CD38: variants seen among roughly 807,000 people sequenced by gnomAD.
CD38 encodes the protein CD38 molecule.
A neutral mutation model predicts 36.3 loss-of-function variants in CD38; 31 were observed. The observed-to-expected ratio is 0.85, with a 90% CI of 0.64 to 1.15. The LOEUF (loss-of-function observed/expected upper bound fraction) is 1.15. Ranked by LOEUF, CD38 falls within the 50% of genes most tolerant of loss-of-function variation. CD38 has a pLI of 0.00. For missense variants in CD38, 380 were observed against 371.9 expected (o/e 1.02, Z -0.18); for synonymous variants, 131 against 135.2 (o/e 0.97, Z 0.22).
intron 1 of CD38, among the ~76,000 whole-genome samples, chr4:15,789,145 C>T (rs892683528): frequency 6.6e-6 from 1 of 152,114 alleles, no homozygotes; most frequent in African/African-American, 2.4e-5. Context: ...CTTATTTCCA[C>T]GTTTTAGGTA....
At chr4:15,788,561 T>C (rs1431354789) in intron 1 of CD38, among the ~76,000 whole-genome samples, 1 of 152,026 alleles carries the variant, frequency 6.6e-6, no homozygotes, top group African/African-American at 2.4e-5. Context: ...TGGATGAATC[T>C]GATGGGAGGT....
At chr4:15,809,297 T>G (rs1723413928) in intron 1 of CD38, among the ~76,000 whole-genome samples, 1 of 152,244 alleles carries the variant, frequency 6.6e-6, no homozygotes. Context: ...GTTCTGGTTC[T>G]GCCTGAGTTT....
intron 2 of CD38, 42 bp downstream of exon 2, chr4:15,816,682 A>G: frequency 1.2e-6 from 2 of 1,608,014 alleles, no homozygotes; most frequent in Non-Finnish European, 1.7e-6. Flanking sequence ...TGGGGATAAA[A>G]GCCAATGGTA....
At chr4:15,834,140 C>A in intron 3 of CD38, 77 bp from the exon 4 acceptor site, 1 of 952,306 alleles carries the variant, frequency 1.1e-6, no homozygotes, top group Non-Finnish European at 1.7e-6. Flanking sequence ...TCCACTATGA[C>A]TGAACAGCCA....
intron 4 of CD38, among the ~76,000 whole-genome samples, chr4:15,835,161 A>T (rs1170709863): frequency 6.6e-6 from 1 of 151,998 alleles, no homozygotes. Flanking sequence ...ATCTTTTAAC[A>T]AATCTCTACC....
rs536880603 is a variant in CD38 at position 15,847,928 on chromosome 4, A to G, written c.840-611A>G. Among the ~76,000 whole-genome samples, 36 of 152,340 alleles carry G rather than the reference A, an allele frequency of 2.4e-4. 1 individual carries two copies. In the South Asian group the frequency reaches 3.5e-3, roughly 15 times the overall value. On this transcript the variant is annotated intron_variant, in intron 7 of 7. Transcript: ENST00000226279. Reference sequence around the variant, plus strand: ...TTTGGACTTGTACAGACAGTGGCCCATAATGGGAACCAGGTGACACATCAC... The same window carrying G: ...TTTGGACTTGTACAGACAGTGGCCCGTAATGGGAACCAGGTGACACATCAC...
intron 1 of CD38, among the ~76,000 whole-genome samples, chr4:15,810,535 G>A (rs1723445826): frequency 1.3e-5 from 2 of 152,152 alleles, no homozygotes; most frequent in African/African-American, 2.4e-5. Flanking sequence ...AAGGAAAATC[G>A]CTGCCAAATC....
rs7687873 is a variant in CD38, at chr4:15,800,681, T to C, written c.234-15830T>C. Among the ~76,000 whole-genome samples, 1,122 of 152,190 alleles carry C rather than the reference T, an allele frequency of 7.4e-3. 12 individuals carry two copies. Among genetic ancestry groups the C allele is most frequent in the African/African-American group, 0.026 (1,069 of 41,530 alleles). On this transcript the variant is annotated intron_variant, in intron 1 of 7. Coordinates refer to ENST00000226279, the MANE Select transcript of CD38 (RefSeq NM_001775.4). ...AAGCAACATACTCCAGAATGACCAATGGGTCAATGAAGAAATTAAGAAAAA... is the reference window on the plus strand; with the variant it reads ...AAGCAACATACTCCAGAATGACCAACGGGTCAATGAAGAAATTAAGAAAAA...
At chr4:15,826,530 GAA>G (rs1460604796) in intron 3 of CD38, among the ~76,000 whole-genome samples, 1 of 149,334 alleles carries the variant, frequency 6.7e-6, no homozygotes, top group Non-Finnish European at 1.5e-5. Flanking sequence ...TTTTATAAAT[GAA>G]ACTTCAATGT....
At chr4:15,814,678 C>T (rs1194457021) in intron 1 of CD38, among the ~76,000 whole-genome samples, 1 of 152,126 alleles carries the variant, frequency 6.6e-6, no homozygotes, top group East Asian at 1.9e-4. Context: ...GTTTTCCCAG[C>T]ACTATTAATT....
intron 1 of CD38, among the ~76,000 whole-genome samples, chr4:15,789,198 A>T (rs1316035918): frequency 6.6e-6 from 1 of 152,188 alleles, no homozygotes; most frequent in African/African-American, 2.4e-5. Context: ...TTGAGCTCCT[A>T]TGATGTCCCA....
rs1407451343 is a variant in CD38 at position 15,791,386 on chromosome 4, T to G, written c.233+12739T>G. 9.4e-5 allele frequency among the ~76,000 whole-genome samples: 2 copies of G among 21,232 alleles called. 1 individual carries two copies. The highest frequency in any genetic ancestry group is 3.2e-3 in the East Asian group (2 of 618). The allele number at this position is 21,232 out of a possible 152,430, so 13.9% of individuals were successfully genotyped here. ...GCCCCCCGCCCGGCCGGCCGCCCCGTCCGGGAGGTGAGGGGCGCCTCTGCC... is the reference window on the plus strand; with the variant it reads ...GCCCCCCGCCCGGCCGGCCGCCCCGGCCGGGAGGTGAGGGGCGCCTCTGCC... On this transcript the variant is annotated intron_variant, in intron 1 of 7. Coordinates refer to ENST00000226279, the MANE Select transcript of CD38 (RefSeq NM_001775.4).
At chr4:15,816,811 T>TTGCAGGCCATGAGGGGCC in intron 2 of CD38, 171 bp downstream of exon 2, 3 of 696,888 alleles carry the variant, frequency 4.3e-6, no homozygotes, top group Non-Finnish European at 7.6e-6. Context: ...ATGATATAAT[T>TTGCAGGCCATGAGGGGCC]AAGATTTAGG....
intron 1 of CD38, among the ~76,000 whole-genome samples, chr4:15,810,132 T>C (rs1258620091): frequency 2.0e-5 from 3 of 152,202 alleles, no homozygotes; most frequent in Non-Finnish European, 4.4e-5. Flanking sequence ...GTTCTATAGC[T>C]CTGCTCCGTC....
intron 1 of CD38, among the ~76,000 whole-genome samples, chr4:15,786,697 A>C (rs532333699): frequency 6.6e-6 from 1 of 152,380 alleles, no homozygotes; most frequent in African/African-American, 2.4e-5. Context: ...CCAAGTCAGC[A>C]GGCGGAGCTG....
In CD38 at chr4:15,795,520, T is replaced by G. The variant is rs546208015; in HGVS notation, c.233+16873T>G. On this transcript the variant is annotated intron_variant, in intron 1 of 7. Transcript: ENST00000226279. Reference sequence around the variant, plus strand: ...AGTAAAACATGCCCATTGAAGAATATTTGGATGAATACAAAAATATAGAAA... The same window carrying G: ...AGTAAAACATGCCCATTGAAGAATAGTTGGATGAATACAAAAATATAGAAA... Among the ~76,000 whole-genome samples the G allele has an allele frequency of 2.0e-5, 3 of 152,152 alleles. No individual in the cohort carries two copies. In the East Asian group the frequency reaches 5.8e-4, roughly 29 times the overall value.
intron 2 of CD38, among the ~76,000 whole-genome samples, chr4:15,821,056 C>G (rs533065414): frequency 5.2e-4 from 79 of 152,262 alleles, no homozygotes; most frequent in South Asian, 1.4e-3. Flanking sequence ...CATGCAATTA[C>G]ATGGAAATTG....
At chr4:15,818,530 G>C (rs1446168507) in intron 2 of CD38, among the ~76,000 whole-genome samples, 1 of 152,188 alleles carries the variant, frequency 6.6e-6, no homozygotes, top group African/African-American at 2.4e-5. Flanking sequence ...CCTCAAGTGA[G>C]TCCCTGACCC....
intron 3 of CD38, among the ~76,000 whole-genome samples, chr4:15,832,828 A>G (rs1723986612): frequency 6.6e-6 from 1 of 152,182 alleles, no homozygotes; most frequent in Non-Finnish European, 1.5e-5. Context: ...AAGTTTCCCA[A>G]GGCCCTGGGT....
Sources: allele counts gnomAD v4.1 joint callset (sites outside exome capture counted in the v4.1 genomes callset), GRCh38; gene constraint gnomAD v4.1.1; transcripts MANE v1.5; gene names NCBI Gene and HGNC (gene_info 2026-07-23, HGNC 2026-07-21).